Variants in HPSE2 observed in about 807,000 individuals in gnomAD.
HPSE2 encodes the protein inactive heparanase-2.
Under a neutral mutation model 60.5 loss-of-function variants are expected in HPSE2, and 38 were observed. The observed-to-expected ratio is 0.63, with a 90% CI of 0.48 to 0.82. HPSE2 has a LOEUF of 0.82. HPSE2 is among the 40% of genes least tolerant of loss of function. The pLI, the probability that HPSE2 is intolerant of heterozygous loss-of-function variation, is 0.00. For synonymous variants in HPSE2, 295 were observed against 293.2 expected, an observed-to-expected ratio of 1.01 and a Z score of -0.06; for missense variants, 713 against 740.4, an observed-to-expected ratio of 0.96 and a Z score of 0.43.
At chr10:98,714,966 G>A (rs187096635) in intron 5 of HPSE2, among the ~76,000 whole-genome samples, 1 of 151,830 alleles carries the variant, frequency 6.6e-6, no homozygotes, top group African/African-American at 2.4e-5. Flanking sequence ...GTGCTTATTG[G>A]CCATTTGTAT....
At chr10:98,861,956 G>A (rs1276806793) in intron 3 of HPSE2, among the ~76,000 whole-genome samples, 2 of 152,092 alleles carry the variant, frequency 1.3e-5, no homozygotes, top group Non-Finnish European at 1.5e-5. Flanking sequence ...GCCCTCTAGC[G>A]TTTGCAGGAA....
chr10:98,690,567 T>C (rs1948052737), intron 6 of HPSE2, among the ~76,000 whole-genome samples: 1 of 151,918 alleles, frequency 6.6e-6, no homozygotes, highest in South Asian at 2.1e-4. Flanking sequence ...ATAATAATAA[T>C]AACTGCAGTG....
At chr10:99,235,871 T>C (rs1284358840), upstream of HPSE2, 17 of 1,383,526 alleles carry the variant, frequency 1.2e-5, no homozygotes, top group Non-Finnish European at 1.6e-5. Context: ...TTATCTAAAG[T>C]GTGTGTCTGT....
chr10:98,873,563 G>A (rs1952790508), intron 3 of HPSE2, among the ~76,000 whole-genome samples: 1 of 152,040 alleles, frequency 6.6e-6, no homozygotes, highest in Non-Finnish European at 1.5e-5. Context: ...ATCGAATACT[G>A]CATAGTATTC....
intron 9 of HPSE2, among the ~76,000 whole-genome samples, chr10:98,608,918 G>A (rs1342152436): frequency 2.0e-5 from 3 of 152,014 alleles, no homozygotes; most frequent in Admixed American, 1.3e-4. Context: ...CAGGTCTGTA[G>A]CTTTGAAATT....
rs573831530 is a variant in HPSE2 at position 98,984,242 on chromosome 10, C to A, written c.610+159996G>T. Among the ~76,000 whole-genome samples the A allele has an allele frequency of 6.6e-5, 10 of 152,326 alleles. No individual in the cohort carries two copies. The South Asian group carries it at 1.2e-3, about 19-fold the overall frequency. ...AGTAGCCTAAATCGGAGGCACCCCC[C>A]AGTAGGGGCAGACTGACACCTCACA... On this transcript the variant is annotated intron_variant, in intron 3 of 11. Transcript: ENST00000370552.
At chr10:99,048,381 A>G in intron 3 of HPSE2, 1 of 284,288 alleles carries the variant, frequency 3.5e-6, no homozygotes, top group Non-Finnish European at 6.7e-6. Flanking sequence ...AAAAAAAATA[A>G]GCAAGCAAAA....
intron 4 of HPSE2, among the ~76,000 whole-genome samples, chr10:98,742,974 C>CTTTTTTTTT (rs35772316): frequency 7.0e-5 from 7 of 99,764 alleles, no homozygotes; most frequent in South Asian, 3.2e-4. Context: ...CTTTTCTTTT[C>CTTTTTTTTT]TTTTTTTTTT....
chr10:99,035,005 G>C (rs1226942980), intron 3 of HPSE2, among the ~76,000 whole-genome samples: 1 of 152,194 alleles, frequency 6.6e-6, no homozygotes, highest in African/African-American at 2.4e-5. Context: ...TGAGTGGTGA[G>C]TAGATGTGAA....
intron 9 of HPSE2, among the ~76,000 whole-genome samples, chr10:98,555,352 C>G (rs1156330286): frequency 6.6e-6 from 1 of 152,158 alleles, no homozygotes; most frequent in Non-Finnish European, 1.5e-5. Context: ...CACATTCTGC[C>G]TTTTCTGCAG....
chr10:99,126,797 C>T lies in HPSE2; in HGVS notation c.610+17441G>A, dbSNP rs1468074687. Among the ~76,000 whole-genome samples the T allele has an allele frequency of 6.6e-6, 1 of 152,186 alleles. No individual in the cohort carries two copies. Among genetic ancestry groups the T allele is most frequent in the East Asian group, 1.9e-4 (1 of 5,188 alleles). On this transcript the variant is annotated intron_variant, in intron 3 of 11. Transcript: ENST00000370552. The surrounding 1 kb of genome is among the most constrained non-coding windows in gnomAD (Gnocchi z 4.0). Reference sequence around the variant, plus strand: ...CAGACACTAGTATCCATGGCTGAGACCTGAAGATGGATCACATCATAGGAC... The same window carrying T: ...CAGACACTAGTATCCATGGCTGAGATCTGAAGATGGATCACATCATAGGAC...
chr10:98,724,037 GTTCTT>G (rs1306362088), intron 4 of HPSE2, among the ~76,000 whole-genome samples: 2 of 152,066 alleles, frequency 1.3e-5, no homozygotes, highest in African/African-American at 4.8e-5. Context: ...TGCTTCTCTA[GTTCTT>G]TTAATTGGGA....
chr10:98,498,920 G>C (rs1941938974), intron 9 of HPSE2, among the ~76,000 whole-genome samples: 1 of 152,018 alleles, frequency 6.6e-6, no homozygotes, highest in Non-Finnish European at 1.5e-5. Flanking sequence ...CAAGGATAAG[G>C]TCTTCAAATT....
chr10:99,247,117 C>T, the HPSE2 span, among the ~76,000 whole-genome samples: 1 of 152,186 alleles, frequency 6.6e-6, no homozygotes, highest in Admixed American at 6.5e-5. Context: ...ATCAAGAACA[C>T]ACAAGCATAC....
At chr10:98,550,036 T>C (rs527596641) in intron 9 of HPSE2, among the ~76,000 whole-genome samples, 2 of 152,370 alleles carry the variant, frequency 1.3e-5, no homozygotes, top group African/African-American at 4.8e-5. Context: ...ACTTAAAAAC[T>C]CAGCTTATTC....
intron 3 of HPSE2, among the ~76,000 whole-genome samples, chr10:98,854,049 A>C (rs1321928745): frequency 2.6e-5 from 4 of 152,202 alleles, no homozygotes; most frequent in African/African-American, 9.6e-5. Context: ...ATCTAGAATA[A>C]TACAACAAAA....
chr10:98,571,153 C>T (rs975072395), intron 9 of HPSE2, among the ~76,000 whole-genome samples: 4 of 152,122 alleles, frequency 2.6e-5, no homozygotes, highest in Non-Finnish European at 5.9e-5. Context: ...AGTAGAAAGA[C>T]CTAATGTATG....
intron 3 of HPSE2, among the ~76,000 whole-genome samples, chr10:98,807,915 G>A (rs1296532702): frequency 6.6e-6 from 1 of 152,120 alleles, no homozygotes; most frequent in African/African-American, 2.4e-5. Context: ...TTCCTTTAAT[G>A]ATGGAGTCAC....
At chr10:98,878,861 A>G (rs557013169) in intron 3 of HPSE2, among the ~76,000 whole-genome samples, 2 of 152,084 alleles carry the variant, frequency 1.3e-5, no homozygotes, top group East Asian at 1.9e-4. Context: ...AAATGCCCCA[A>G]TAAACGATTA....
Sources: allele counts gnomAD v4.1 joint callset (sites outside exome capture counted in the v4.1 genomes callset), GRCh38; gene constraint gnomAD v4.1.1; non-coding constraint Gnocchi (gnomAD v3.1); transcripts MANE v1.5; gene names NCBI Gene and HGNC (gene_info 2026-07-23, HGNC 2026-07-21).